The following TBXAS1 variants were observed in gnomAD, a reference collection of about 807,000 sequenced individuals.
TBXAS1 encodes the protein thromboxane-A synthase.
Under a neutral mutation model 60.7 loss-of-function variants are expected in TBXAS1, and 48 were observed. That is an observed-to-expected ratio of 0.79 (90% CI 0.63 to 1.01). The LOEUF (loss-of-function observed/expected upper bound fraction) is 1.01, where lower values mean the gene tolerates loss of function less well. TBXAS1 is among the 50% of genes least tolerant of loss of function. The pLI, the probability that TBXAS1 is intolerant of heterozygous loss-of-function variation, is 0.00. For missense variants in TBXAS1, 685 were observed against 686.3 expected (o/e 1.00, Z 0.02); for synonymous variants, 287 against 269.7 (o/e 1.06, Z -0.63).
chr7:139,944,811 C>G (rs1005133018), intron 5 of TBXAS1, among the ~76,000 whole-genome samples: 1 of 152,166 alleles, frequency 6.6e-6, no homozygotes, highest in Non-Finnish European at 1.5e-5. Context: ...TAAAAAAGAC[C>G]CTCTCCTTCC....
intron 9 of TBXAS1, among the ~76,000 whole-genome samples, chr7:139,992,167 C>A (rs908201731): frequency 1.3e-5 from 2 of 152,220 alleles, no homozygotes; most frequent in African/African-American, 4.8e-5. Context: ...GGCAGCCCCC[C>A]TTCACCTGCT....
chr7:140,016,155 C>G (rs867501476), intron 11 of TBXAS1, among the ~76,000 whole-genome samples: 3 of 152,030 alleles, frequency 2.0e-5, no homozygotes, highest in East Asian at 3.9e-4. Flanking sequence ...GGTGAAACCC[C>G]ATCTCTACTA....
At chr7:139,939,147 C>A (rs991024636) in intron 5 of TBXAS1, among the ~76,000 whole-genome samples, 2 of 152,114 alleles carry the variant, frequency 1.3e-5, no homozygotes, top group Non-Finnish European at 2.9e-5. Flanking sequence ...GGTGGATCAC[C>A]TGAGGTCAGG....
intron 3 of TBXAS1, among the ~76,000 whole-genome samples, chr7:139,784,591 T>C (rs1436845169): frequency 6.6e-6 from 1 of 152,184 alleles, no homozygotes; most frequent in Admixed American, 6.5e-5. Context: ...TAGAAAGATA[T>C]GAATGTCTAG....
chr7:139,905,905 T>C (rs1268713043), intron 3 of TBXAS1, among the ~76,000 whole-genome samples: 2 of 152,186 alleles, frequency 1.3e-5, no homozygotes, highest in South Asian at 2.1e-4. Context: ...GTGTCAAGTC[T>C]AAGAACTTTT....
intron 4 of TBXAS1, among the ~76,000 whole-genome samples, chr7:139,822,489 T>G (rs1000982181): frequency 6.6e-6 from 1 of 152,164 alleles, no homozygotes; most frequent in Admixed American, 6.5e-5. Flanking sequence ...CTACTTCAGA[T>G]TTTTCTCCTG....
At chr7:139,876,444 G>C (rs1802240610) in intron 3 of TBXAS1, among the ~76,000 whole-genome samples, 1 of 152,156 alleles carries the variant, frequency 6.6e-6, no homozygotes. Context: ...TTCAGCCACT[G>C]AGCGATTTTT....
At chr7:139,944,519 G>A (rs1316024218) in intron 5 of TBXAS1, among the ~76,000 whole-genome samples, 1 of 152,178 alleles carries the variant, frequency 6.6e-6, no homozygotes, top group Non-Finnish European at 1.5e-5. Context: ...TTAGGAAAAA[G>A]GGTTTCATTT....
At chr7:139,968,623 G>C (rs1223801213) in intron 9 of TBXAS1, among the ~76,000 whole-genome samples, 1 of 152,162 alleles carries the variant, frequency 6.6e-6, no homozygotes, top group Non-Finnish European at 1.5e-5. Context: ...CATGCCCCCA[G>C]ACTGATTCTT....
At chr7:139,995,893 C>T (rs562997717) in intron 9 of TBXAS1, among the ~76,000 whole-genome samples, 1 of 152,168 alleles carries the variant, frequency 6.6e-6, no homozygotes, top group Non-Finnish European at 1.5e-5. Flanking sequence ...CTGCCAGTCT[C>T]CCCTCGCTCC....
At chr7:139,996,404 GT>G (rs893373785) in intron 9 of TBXAS1, among the ~76,000 whole-genome samples, 2 of 111,628 alleles carry the variant, frequency 1.8e-5, no homozygotes, top group Admixed American at 1.0e-4. Context: ...CTCTGTGCTT[GT>G]TTTTCTTACC....
At chr7:139,904,990 TC>T (rs1569511351) in intron 3 of TBXAS1, among the ~76,000 whole-genome samples, 14 of 128,462 alleles carry the variant, frequency 1.1e-4, no homozygotes, top group African/African-American at 2.7e-4. Flanking sequence ...TCTCTTTCTC[TC>T]TTTCTCTCTT....
chr7:139,863,408 G>T (rs1339936285), intron 1 of TBXAS1, among the ~76,000 whole-genome samples: 1 of 152,026 alleles, frequency 6.6e-6, no homozygotes, highest in Non-Finnish European at 1.5e-5. Context: ...CGGTTCCTTA[G>T]GCAACAAATT....
intron 4 of TBXAS1, among the ~76,000 whole-genome samples, chr7:139,821,932 C>T (rs1386290541): frequency 1.3e-5 from 2 of 152,210 alleles, no homozygotes; most frequent in Non-Finnish European, 2.9e-5. Context: ...TTTCCTGCTT[C>T]CTGCAACTGT....
At chr7:139,801,015 C>A (rs1332714680) in intron 4 of TBXAS1, among the ~76,000 whole-genome samples, 4 of 152,174 alleles carry the variant, frequency 2.6e-5, no homozygotes, top group Admixed American at 1.3e-4. Context: ...AGAATAATTT[C>A]AGAAACAGTT....
rs759726943 is a variant in TBXAS1, at chr7:139,916,507, C to T, written c.333+5186C>T. Among the ~76,000 whole-genome samples the T allele has an allele frequency of 2.0e-5, 3 of 152,314 alleles. No homozygotes were observed. In the South Asian group the frequency reaches 6.2e-4, roughly 32 times the overall value. ...GTCACGTCCAAAGCCATGTGATGGA[C>T]GTGGTGGGTGGTTTTATCCCGAACC... On this transcript the variant is annotated intron_variant, in intron 4 of 12. Transcript: ENST00000448866. This position sits in a 1 kb window ranked among gnomAD's most constrained non-coding sequence, Gnocchi z 4.2.
At chr7:139,904,358 A>G (rs2117009551) in intron 3 of TBXAS1, among the ~76,000 whole-genome samples, 1 of 152,166 alleles carries the variant, frequency 6.6e-6, no homozygotes, top group South Asian at 2.1e-4. Flanking sequence ...GCCTTATAGT[A>G]TAGTTTGAAA....
intron 4 of TBXAS1, among the ~76,000 whole-genome samples, chr7:139,799,235 ATT>A (rs35555385): frequency 1.4e-5 from 2 of 144,086 alleles, no homozygotes; most frequent in African/African-American, 2.6e-5. Context: ...AGCCCAGCTA[ATT>A]TTTTTTTTTT....
At position 139,903,195 on chromosome 7, in the gene TBXAS1, G is replaced by A. The variant is rs372951557; in HGVS notation, c.237-8030G>A. Among the ~76,000 whole-genome samples the A allele has an allele frequency of 5.9e-5, 9 of 152,054 alleles. 1 individual carries two copies. Among genetic ancestry groups the A allele is most frequent in the East Asian group, 1.9e-4 (1 of 5,192 alleles). ...CCACATATCAGTGAGAACATAGGAT[G>A]TTTGGTTTCCCATTCCTGAGTTGCT... On this transcript the variant is annotated intron_variant, in intron 3 of 12. Transcript: ENST00000448866.
Sources: allele counts gnomAD v4.1 joint callset (sites outside exome capture counted in the v4.1 genomes callset), GRCh38; gene constraint gnomAD v4.1.1; non-coding constraint Gnocchi (gnomAD v3.1); transcripts MANE v1.5; gene names NCBI Gene and HGNC (gene_info 2026-07-23, HGNC 2026-07-21).